CAPG: variants seen among roughly 807,000 people sequenced by gnomAD.
CAPG encodes the protein capping actin protein, gelsolin like, also known as macrophage-capping protein.
Under a neutral mutation model 44.6 loss-of-function variants are expected in CAPG, and 32 were observed. The observed-to-expected ratio is 0.72, with a 90% confidence interval of 0.54 to 0.96. The LOEUF is 0.96. Among genes scored for constraint, CAPG ranks in the 50% least tolerant of loss-of-function variants. CAPG has a pLI of 0.00. For synonymous variants in CAPG, 175 were observed against 179.6 expected, an observed-to-expected ratio of 0.97 and a Z score of 0.20; for missense variants, 412 against 438.3, an observed-to-expected ratio of 0.94 and a Z score of 0.54.
intron 8 of CAPG, among the ~76,000 whole-genome samples, chr2:85,396,367 T>C (rs1686598637): frequency 6.6e-6 from 1 of 151,964 alleles, no homozygotes; most frequent in African/African-American, 2.4e-5. Flanking sequence ...GGGGGGTTTT[T>C]TTTTTGTAGA....
rs778301507 is a variant in CAPG at position 85,401,886 on chromosome 2, A to G, written c.95T>C (p.Val32Ala). 6.2e-7 allele frequency: 1 copy of G among 1,613,944 alleles called. No homozygotes were observed. Among genetic ancestry groups the G allele is most frequent in the Non-Finnish European group, 8.5e-7 (1 of 1,179,990 alleles). The change falls in exon 3 of 10, where the codon GTG becomes GCG. Residue 32 changes from valine to alanine, a missense_variant. Val to Ala is a moderately conservative substitution (Grantham distance 64). Coordinates refer to ENST00000263867, the MANE Select transcript of CAPG (RefSeq NM_001747.4). ...GCCCTGGTTCTCTTGCGCCACAGGCACCGGCTTCAGCTTCTCCACCCGCCA... is the reference window on the plus strand; with the variant it reads ...GCCCTGGTTCTCTTGCGCCACAGGCGCCGGCTTCAGCTTCTCCACCCGCCA... ...HVWRVEKLKP[V>A]PVAQENQGVF...
At chr2:85,404,739 C>T (rs1687067676) in intron 1 of CAPG, among the ~76,000 whole-genome samples, 1 of 151,846 alleles carries the variant, frequency 6.6e-6, no homozygotes, top group Non-Finnish European at 1.5e-5. Flanking sequence ...CAGAGCAAGA[C>T]TCTGTCTCAA....
Position 85,399,220 on chromosome 2 carries a change from G to A in CAPG, c.582C>T (p.Ala194=). The change falls in exon 6 of 10, where the codon GCC becomes GCT. Residue 194 remains alanine (A), a synonymous_variant. Coordinates refer to ENST00000263867, the MANE Select transcript of CAPG (RefSeq NM_001747.4). ...ILERNKARDL[A]LAIRDSERQG... is the part of the protein sequence containing the mutation. ...GTCGCTCACTGTCCCGGATGGCCAG[G>A]GCCAGGTCCCTCGCCTTGTTGCGTT... The A allele has an allele frequency of 1.2e-6, 2 of 1,614,218 alleles. No homozygotes were observed. The highest frequency in any genetic ancestry group is 1.1e-5 in the South Asian group (1 of 91,088).
At chr2:85,411,919 G>A (rs184923619), upstream of CAPG, among the ~76,000 whole-genome samples, 22 of 151,768 alleles carry the variant, frequency 1.4e-4, no homozygotes, top group East Asian at 3.3e-3. Context: ...AAAATTAGCC[G>A]GGCATGGTCA....
At chr2:85,393,070 C>G (rs565274734), downstream of CAPG, among the ~76,000 whole-genome samples, 4 of 151,752 alleles carry the variant, frequency 2.6e-5, no homozygotes, top group Non-Finnish European at 4.4e-5. Context: ...GGATCTCACT[C>G]TGTCACCCAG....
At chr2:85,414,312 G>T (rs574456210), upstream of CAPG, among the ~76,000 whole-genome samples, 1 of 152,276 alleles carries the variant, frequency 6.6e-6, no homozygotes, top group African/African-American at 2.4e-5. Flanking sequence ...TATGTGCTTG[G>T]TGCGTCCTCA....
chr2:85,409,424 A>C (rs1397764314), intron 1 of CAPG, among the ~76,000 whole-genome samples: 1 of 152,092 alleles, frequency 6.6e-6, no homozygotes, highest in African/African-American at 2.4e-5. Context: ...ACACACCTTT[A>C]AGGAAAGACT....
chr2:85,413,884 AGAG>A (rs1387307302), upstream of CAPG: 1 of 152,220 alleles, frequency 6.6e-6, no homozygotes, highest in African/African-American at 2.4e-5. Context: ...CTGTGGGAGA[AGAG>A]GAGGGAGCGG....
At position 85,401,591 on chromosome 2, in the gene CAPG, C is replaced by G. The variant is rs764009099; in HGVS notation, c.289G>C (p.Glu97Gln). The G allele has an allele frequency of 1.4e-5, 22 of 1,614,196 alleles. No individual in the cohort carries two copies. The highest frequency in any genetic ancestry group is 1.8e-5 in the Non-Finnish European group (21 of 1,180,036). Residue 97 changes from glutamate (E) to glutamine (Q), a missense_variant, in exon 4 of 10, where the codon GAG becomes CAG. Transcript: ENST00000263867. ...LLGERPVQHR[E>Q]VQGNESDLFM... The stretch of plus-strand genomic sequence containing the variant: ...AGGTCAGACTCATTGCCCTGCACCT[C>G]GCGGTGCTGCACAGGCCGCTCTCCC...
chr2:85,398,771 G>T lies in CAPG; in HGVS notation c.678C>A (p.Pro226=), dbSNP rs772305106. 1 of 1,604,066 alleles carries T rather than the reference G, an allele frequency of 6.2e-7. No individual in the cohort carries two copies. The highest frequency in any genetic ancestry group is 1.7e-4 in the Middle Eastern group (1 of 5,990). The change falls in exon 7 of 10, where the codon CCC becomes CCA. Residue 226 remains proline, a synonymous_variant. Transcript: ENST00000263867. The part of the protein sequence containing the change: ...EPAEMIQVLG[P]KPALKEGNPE... Reference sequence around the variant, plus strand: ...GGTTGCCCTCCTTCAGAGCAGGCTTGGGGCCCAGGACCTGCAGGGGCCAGG... The same window carrying T: ...GGTTGCCCTCCTTCAGAGCAGGCTTTGGGCCCAGGACCTGCAGGGGCCAGG...
chr2:85,392,253 G>C (rs1686411377), downstream of CAPG, among the ~76,000 whole-genome samples: 1 of 152,200 alleles, frequency 6.6e-6, no homozygotes, highest in African/African-American at 2.4e-5. Context: ...AGCCGGGCGT[G>C]GTGGCGGATG....
chr2:85,398,059 G>A lies in CAPG; in HGVS notation c.853C>T (p.Leu285=). 1 of 1,614,070 alleles carries A rather than the reference G, an allele frequency of 6.2e-7. No individual in the cohort carries two copies. The highest frequency in any genetic ancestry group is 1.1e-5 in the South Asian group (1 of 91,082). The stretch of plus-strand genomic sequence containing the variant: ...ATCTTGCCACAGAGCCCGTTGTCCA[G>A]CACAAAGCAGTCATCAGATATCAGC... ...ELLISDDCFV[L]DNGLCGKIYI... Residue 285 remains leucine (L), a synonymous_variant, in exon 8 of 10, where the codon CTG becomes TTG. Transcript: ENST00000263867.
At chr2:85,405,742 A>T (rs1687113323) in intron 1 of CAPG, among the ~76,000 whole-genome samples, 1 of 152,214 alleles carries the variant, frequency 6.6e-6, no homozygotes, top group African/African-American at 2.4e-5. Flanking sequence ...GGACATGCAG[A>T]GAGCAGAGGT....
Position 85,399,415 on chromosome 2 carries a change from G to C in CAPG, c.517-130C>G, listed in dbSNP as rs1457005002. 6.3e-6 allele frequency: 6 copies of C among 945,062 alleles called. No individual in the cohort carries two copies. The African/African-American group carries it at 6.5e-5, about 10-fold the overall frequency. The allele number at this position is 945,062 out of a possible 1,614,324, so 58.5% of individuals were successfully genotyped here. ...CTGAGGCAGGACAACCAGGAAGGCA[G>C]AGCACAGCACAGAGGGCTCTCTGAA... On this transcript the variant is annotated intron_variant, in intron 5 of 9. Coordinates refer to ENST00000263867, the MANE Select transcript of CAPG (RefSeq NM_001747.4).
intron 1 of CAPG, among the ~76,000 whole-genome samples, chr2:85,404,257 A>G (rs1687042068): frequency 6.6e-6 from 1 of 151,520 alleles, no homozygotes; most frequent in Non-Finnish European, 1.5e-5. Flanking sequence ...ATAAATAAAT[A>G]AAGCCGCTCA....
chr2:85,401,062 T>G (rs570953830), intron 5 of CAPG, 103 bp downstream of exon 5: 3 of 1,145,386 alleles, frequency 2.6e-6, no homozygotes, highest in Non-Finnish European at 3.8e-6. Context: ...TGGAATGGGT[T>G]TACGGCTTCT....
At chr2:85,392,300 A>G (rs145297992), downstream of CAPG, among the ~76,000 whole-genome samples, 2,732 of 152,088 alleles carry the variant, frequency 0.018, 39 homozygotes, top group Middle Eastern at 0.027. Context: ...TGAGGCAGGA[A>G]AATGGTGTGA....
intron 8 of CAPG, 70 bp downstream of exon 8, chr2:85,397,950 C>T: frequency 1.3e-6 from 2 of 1,508,146 alleles, no homozygotes; most frequent in Non-Finnish European, 9.1e-7. Flanking sequence ...AGGCTGAGTC[C>T]TGCAAAGGGA....
chr2:85,405,984 G>C (rs1210818162), intron 1 of CAPG, among the ~76,000 whole-genome samples: 2 of 152,186 alleles, frequency 1.3e-5, no homozygotes, highest in African/African-American at 4.8e-5. Flanking sequence ...ACATGCCAGA[G>C]AGCCACATCA....
Sources: gnomAD v4.1 joint callset for allele counts (sites outside exome capture counted in the v4.1 genomes callset) on GRCh38, gnomAD v4.1.1 for gene constraint, MANE v1.5 for transcripts, NCBI Gene and HGNC (gene_info 2026-07-23, HGNC 2026-07-21) for gene names.